CCSER1: variants seen among roughly 807,000 people sequenced by gnomAD.
The protein encoded by CCSER1 is serine-rich coiled-coil domain-containing protein 1.
In CCSER1, 41 loss-of-function variants were observed where a neutral mutation model predicts 82.0. That is an observed-to-expected ratio of 0.50 (90% CI 0.39 to 0.65). The LOEUF (loss-of-function observed/expected upper bound fraction) is 0.65. Ranked by LOEUF, CCSER1 falls within the 30% of genes least tolerant of loss-of-function variation. The pLI is 0.00. For missense variants in CCSER1, 1,119 were observed against 1,064.2 expected, an observed-to-expected ratio of 1.05 and a Z score of -0.72; for synonymous variants, 414 against 383.9, an observed-to-expected ratio of 1.08 and a Z score of -0.92.
intron 7 of CCSER1, among the ~76,000 whole-genome samples, chr4:90,811,669 A>G (rs1019646964): frequency 1.3e-4 from 20 of 152,142 alleles, no homozygotes; most frequent in South Asian, 4.1e-4. Context: ...CTTCCTGATT[A>G]TTAATTTAGG....
intron 4 of CCSER1, among the ~76,000 whole-genome samples, chr4:90,416,588 G>A (rs1483403297): frequency 6.6e-6 from 1 of 152,168 alleles, no homozygotes; most frequent in Non-Finnish European, 1.5e-5. Context: ...TAAGAGCCCA[G>A]TACAAGTTGG....
chr4:90,480,851 G>A (rs1334054625), intron 5 of CCSER1, among the ~76,000 whole-genome samples: 1 of 152,106 alleles, frequency 6.6e-6, no homozygotes, highest in East Asian at 1.9e-4. Flanking sequence ...GGATTGACGT[G>A]GCAATGCGGG....
At chr4:90,365,104 T>G (rs1165585572) in intron 3 of CCSER1, among the ~76,000 whole-genome samples, 1 of 151,832 alleles carries the variant, frequency 6.6e-6, no homozygotes, top group Non-Finnish European at 1.5e-5. Context: ...GCATATATTT[T>G]TGAGGGGAAA....
At chr4:90,920,638 C>T (rs1049997233) in intron 8 of CCSER1, among the ~76,000 whole-genome samples, 1 of 151,778 alleles carries the variant, frequency 6.6e-6, no homozygotes, top group Non-Finnish European at 1.5e-5. Context: ...TTTTGTACGT[C>T]CCCTCTCCAA....
intron 9 of CCSER1, among the ~76,000 whole-genome samples, chr4:90,952,707 A>G (rs1287192486): frequency 3.3e-5 from 5 of 152,048 alleles, no homozygotes; most frequent in African/African-American, 1.2e-4. Context: ...ATAGCCTATC[A>G]TATTTGCCGA....
In CCSER1 at chr4:91,604,680, T is replaced by TA. The variant is rs1326755804; in HGVS notation, c.*5624dup. ...ATTCCTGTTTGTATTGCCTTATACA[T>TA]ACTTAAAAAACAAGATATTTACAAA... On this transcript the variant is annotated 3_prime_UTR_variant, in exon 11 of 11. Coordinates refer to ENST00000509176, the MANE Select transcript of CCSER1 (RefSeq NM_001145065.2). The TA allele has an allele frequency of 6.6e-6, 1 of 152,070 alleles. No individual in the cohort carries two copies. The highest frequency in any genetic ancestry group is 1.5e-5 in the Non-Finnish European group (1 of 67,940). 9.4% of individuals were successfully genotyped at this position (152,070 alleles called of 1,614,324 possible).
chr4:90,781,760 G>A, intron 7 of CCSER1: 1 of 966,176 alleles, frequency 1.0e-6, no homozygotes, highest in South Asian at 4.8e-5. Context: ...CCTGTCTTTT[G>A]TTACTGAAAT....
intron 5 of CCSER1, among the ~76,000 whole-genome samples, chr4:90,518,559 A>G (rs1275596551): frequency 3.9e-5 from 6 of 152,024 alleles, no homozygotes; most frequent in Non-Finnish European, 1.5e-5. Flanking sequence ...TTAAGTGTCC[A>G]TATACTTAGG....
chr4:91,374,155 T>G (rs1033090199), intron 10 of CCSER1, among the ~76,000 whole-genome samples: 12 of 152,148 alleles, frequency 7.9e-5, no homozygotes, highest in African/African-American at 2.7e-4. Flanking sequence ...TGCAGCAAGT[T>G]ATCTAGTAGA....
intron 10 of CCSER1, among the ~76,000 whole-genome samples, chr4:91,511,395 T>A (rs1759815446): frequency 6.6e-6 from 1 of 152,174 alleles, no homozygotes. Flanking sequence ...TAGTGTTGAA[T>A]AGGTAGATTG....
chr4:90,687,491 C>G (rs909333467), intron 6 of CCSER1, among the ~76,000 whole-genome samples: 1 of 152,016 alleles, frequency 6.6e-6, no homozygotes, highest in Non-Finnish European at 1.5e-5. Context: ...CTGTGACAGC[C>G]TCTTTTGGAA....
At chr4:90,875,036 A>G (rs1034782614) in intron 8 of CCSER1, among the ~76,000 whole-genome samples, 1 of 152,068 alleles carries the variant, frequency 6.6e-6, no homozygotes, top group Non-Finnish European at 1.5e-5. Context: ...ACAGAGCGAG[A>G]CTCCATCTCA....
At chr4:90,697,948 G>A (rs1248318626) in intron 6 of CCSER1, among the ~76,000 whole-genome samples, 1 of 152,100 alleles carries the variant, frequency 6.6e-6, no homozygotes, top group Non-Finnish European at 1.5e-5. Context: ...ATGCATAGGA[G>A]TTCAGCAAAA....
At chr4:90,788,329 C>T (rs1406048333) in intron 7 of CCSER1, among the ~76,000 whole-genome samples, 9 of 151,894 alleles carry the variant, frequency 5.9e-5, no homozygotes, top group Non-Finnish European at 1.0e-4. Context: ...TATTAGTTTC[C>T]TAAGGCTGTC....
At chr4:91,182,246 A>G (rs994436435) in intron 10 of CCSER1, among the ~76,000 whole-genome samples, 10 of 152,154 alleles carry the variant, frequency 6.6e-5, no homozygotes, top group Admixed American at 2.6e-4. Context: ...AGGTGTCTTG[A>G]TGGTATCCAA....
chr4:90,192,733 C>T (rs902954223), intron 1 of CCSER1, among the ~76,000 whole-genome samples: 1 of 151,814 alleles, frequency 6.6e-6, no homozygotes, highest in African/African-American at 2.4e-5. Context: ...AAGTAAAATT[C>T]CTCTTTTGAA....
At chr4:91,254,624 T>C (rs980481378) in intron 10 of CCSER1, among the ~76,000 whole-genome samples, 11 of 152,110 alleles carry the variant, frequency 7.2e-5, no homozygotes, top group African/African-American at 2.7e-4. Context: ...ATGGGGGCAA[T>C]AGTTGTACAA....
chr4:90,946,117 C>T (rs1732205601), intron 9 of CCSER1, among the ~76,000 whole-genome samples: 1 of 152,044 alleles, frequency 6.6e-6, no homozygotes, highest in Admixed American at 6.5e-5. Context: ...TTTATAATTA[C>T]AATTAAGAGT....
chr4:90,628,604 A>G (rs914738273), intron 6 of CCSER1, among the ~76,000 whole-genome samples: 5 of 152,184 alleles, frequency 3.3e-5, no homozygotes, highest in African/African-American at 1.2e-4. Flanking sequence ...GTCTTTGTTT[A>G]TATGATACCA....
Sources: allele counts gnomAD v4.1 joint callset (sites outside exome capture counted in the v4.1 genomes callset), GRCh38; gene constraint gnomAD v4.1.1; transcripts MANE v1.5; gene names NCBI Gene and HGNC (gene_info 2026-07-23, HGNC 2026-07-21).